FBXL20: variants seen among roughly 807,000 people sequenced by gnomAD.
The protein encoded by FBXL20 is F-box and leucine rich repeat protein 20.
FBXL20 carries 11 observed loss-of-function variants against 64.0 expected under a neutral mutation model. That is an observed-to-expected ratio of 0.17 (90% CI 0.11 to 0.28). The LOEUF is 0.28. Ranked by LOEUF, FBXL20 falls within the 10% of genes least tolerant of loss-of-function variation. The pLI is 1.00. For missense variants in FBXL20, 303 were observed against 526.2 expected (o/e 0.58, Z 4.15); for synonymous variants, 184 against 189.0 (o/e 0.97, Z 0.22).
intron 1 of FBXL20, among the ~76,000 whole-genome samples, chr17:39,361,140 G>T (rs2047789751): frequency 6.6e-6 from 1 of 152,118 alleles, no homozygotes; most frequent in Admixed American, 6.6e-5. Flanking sequence ...AGTCACCTGA[G>T]TGTTAGGGAA....
rs2144698092 is a variant in FBXL20 at position 39,401,585 on chromosome 17, C to G, written c.-183G>C. 14 of 1,393,110 alleles carry G rather than the reference C, an allele frequency of 1.0e-5. No homozygotes were observed. In the South Asian group the frequency reaches 1.7e-4, roughly 17 times the overall value. 86.3% of individuals were successfully genotyped at this position (1,393,110 alleles called of 1,614,324 possible). A position where few individuals can be genotyped will look rare whatever the true frequency, so the allele number is the denominator to read the frequency against. Reference sequence around the variant, plus strand: ...AGGCCTCCACCACCTCCCGCGGCGCCGGCGGCCGCAACGACTGCTCGTCGC... The same window carrying G: ...AGGCCTCCACCACCTCCCGCGGCGCGGGCGGCCGCAACGACTGCTCGTCGC... On this transcript the variant is annotated 5_prime_UTR_variant, in exon 1 of 15. Coordinates refer to ENST00000264658, the MANE Select transcript of FBXL20 (RefSeq NM_032875.3).
At chr17:39,401,022 C>A (rs1191935941) in intron 1 of FBXL20, among the ~76,000 whole-genome samples, 3 of 152,202 alleles carry the variant, frequency 2.0e-5, no homozygotes, top group Non-Finnish European at 4.4e-5. Flanking sequence ...CTCTGGTGGA[C>A]CGGAGCCGTG....
intron 2 of FBXL20, among the ~76,000 whole-genome samples, chr17:39,323,340 C>T (rs888558015): frequency 6.6e-6 from 1 of 152,054 alleles, no homozygotes; most frequent in Non-Finnish European, 1.5e-5. Context: ...TTAATTATAT[C>T]CAGTACTGTG....
intron 1 of FBXL20, among the ~76,000 whole-genome samples, chr17:39,367,069 G>A (rs2047867531): frequency 6.6e-6 from 1 of 151,406 alleles, no homozygotes. Context: ...TTTTTTAGTA[G>A]AGACGGGGTT....
intron 5 of FBXL20, among the ~76,000 whole-genome samples, chr17:39,297,921 G>C (rs912951949): frequency 6.6e-6 from 1 of 152,008 alleles, no homozygotes; most frequent in Non-Finnish European, 1.5e-5. Flanking sequence ...ATTTTTAGTA[G>C]AGACAGGGTT....
At chr17:39,347,034 G>T (rs1289709080) in intron 1 of FBXL20, among the ~76,000 whole-genome samples, 3 of 152,074 alleles carry the variant, frequency 2.0e-5, no homozygotes, top group Admixed American at 2.0e-4. Flanking sequence ...CCTTTTTTAT[G>T]GCTGCATAGT....
intron 6 of FBXL20, among the ~76,000 whole-genome samples, chr17:39,296,707 C>T (rs2047089501): frequency 6.6e-6 from 1 of 152,040 alleles, no homozygotes; most frequent in Non-Finnish European, 1.5e-5. Flanking sequence ...ACAGACACAG[C>T]ACATTTAGTG....
intron 1 of FBXL20, among the ~76,000 whole-genome samples, chr17:39,362,407 C>T (rs8078599): frequency 0.19 from 28,158 of 152,164 alleles, 2,821 homozygotes; most frequent in Admixed American, 0.24. Flanking sequence ...CGAGACCAGC[C>T]TGGGTAAGAT....
At chr17:39,284,314 T>C (rs1380115431) in intron 7 of FBXL20, among the ~76,000 whole-genome samples, 1 of 152,244 alleles carries the variant, frequency 6.6e-6, no homozygotes, top group Admixed American at 6.5e-5. Context: ...TAGGTACATG[T>C]GTTCAATATT....
intron 1 of FBXL20, among the ~76,000 whole-genome samples, chr17:39,345,840 CTAAA>C (rs999226885): frequency 1.8e-4 from 27 of 152,120 alleles, no homozygotes; most frequent in African/African-American, 6.3e-4. Flanking sequence ...CACACCTGGC[CTAAA>C]TATTTTCTGA....
chr17:39,304,149 T>C (rs1171851885), intron 2 of FBXL20, among the ~76,000 whole-genome samples: 2 of 151,982 alleles, frequency 1.3e-5, no homozygotes, highest in Non-Finnish European at 2.9e-5. Context: ...TACTTGATAA[T>C]GTACATACAG....
chr17:39,334,608 G>A (rs149606580), intron 2 of FBXL20, among the ~76,000 whole-genome samples: 1 of 151,776 alleles, frequency 6.6e-6, no homozygotes, highest in Non-Finnish European at 1.5e-5. Context: ...CACCAGAAGA[G>A]TTGAAAAAAT....
At chr17:39,362,509 G>C (rs1381754151) in intron 1 of FBXL20, among the ~76,000 whole-genome samples, 2 of 149,884 alleles carry the variant, frequency 1.3e-5, no homozygotes, top group Admixed American at 1.3e-4. Context: ...TTTTAGTAGA[G>C]AGAGGTTTTC....
At chr17:39,300,454 T>G (rs1180172714) in intron 4 of FBXL20, among the ~76,000 whole-genome samples, 1 of 152,212 alleles carries the variant, frequency 6.6e-6, no homozygotes, top group East Asian at 1.9e-4. Context: ...CCATTCTCCA[T>G]TTTATAGATA....
At chr17:39,307,863 T>G (rs2047196852) in intron 2 of FBXL20, among the ~76,000 whole-genome samples, 1 of 150,310 alleles carries the variant, frequency 6.7e-6, no homozygotes, top group South Asian at 2.1e-4. Context: ...CCTAGCTACT[T>G]GGGAGGCTGA....
chr17:39,366,275 TATC>T (rs1390271391), intron 1 of FBXL20, among the ~76,000 whole-genome samples: 1 of 152,218 alleles, frequency 6.6e-6, no homozygotes, highest in African/African-American at 2.4e-5. Context: ...ACATATAGGC[TATC>T]ATATTTTTTT....
At chr17:39,374,483 G>C (rs1405756784) in intron 1 of FBXL20, among the ~76,000 whole-genome samples, 1 of 151,914 alleles carries the variant, frequency 6.6e-6, no homozygotes, top group East Asian at 1.9e-4. Context: ...GGAGGTTGCA[G>C]TGAGCCAAGA....
intron 1 of FBXL20, among the ~76,000 whole-genome samples, chr17:39,360,281 G>T (rs2047782051): frequency 6.6e-6 from 1 of 152,040 alleles, no homozygotes; most frequent in Non-Finnish European, 1.5e-5. Context: ...TTTCAGTTTG[G>T]GAAGATGAAA....
At chr17:39,358,514 CT>C (rs1327271356) in intron 1 of FBXL20, among the ~76,000 whole-genome samples, 3 of 151,972 alleles carry the variant, frequency 2.0e-5, no homozygotes, top group Non-Finnish European at 4.4e-5. Flanking sequence ...GAAACCCTGT[CT>C]CTTCTAAAAA....
Sources: gnomAD v4.1 joint callset for allele counts (sites outside exome capture counted in the v4.1 genomes callset) on GRCh38, gnomAD v4.1.1 for gene constraint, MANE v1.5 for transcripts, NCBI Gene and HGNC (gene_info 2026-07-23, HGNC 2026-07-21) for gene names.